Variants in PTPN13 observed in about 807,000 individuals in gnomAD.
The protein encoded by PTPN13 is tyrosine-protein phosphatase non-receptor type 13.
Under a neutral mutation model 284.0 loss-of-function variants are expected in PTPN13, and 191 were observed. The observed-to-expected ratio is 0.67, with a 90% CI of 0.60 to 0.76. The LOEUF (loss-of-function observed/expected upper bound fraction) is 0.76. PTPN13 is among the 30% of genes least tolerant of loss of function. The pLI is 0.00. For missense variants in PTPN13, 2,797 were observed against 2,939.9 expected (o/e 0.95, Z 1.12); for synonymous variants, 986 against 1,022.3 (o/e 0.96, Z 0.68).
At chr4:86,736,513 ACTTACATTAC>A (rs1364370207) in intron 15 of PTPN13, among the ~76,000 whole-genome samples, 1 of 152,198 alleles carries the variant, frequency 6.6e-6, no homozygotes, top group Non-Finnish European at 1.5e-5. Flanking sequence ...TTATTCACAG[ACTTACATTAC>A]CTTTAATCTA....
chr4:86,686,085 G>A (rs978782843), intron 3 of PTPN13, among the ~76,000 whole-genome samples: 3 of 151,992 alleles, frequency 2.0e-5, no homozygotes, highest in Non-Finnish European at 4.4e-5. Context: ...GTGCCTGCCA[G>A]GCGCAGTGGG....
chr4:86,632,466 G>A (rs1218947405), intron 1 of PTPN13, among the ~76,000 whole-genome samples: 3 of 151,764 alleles, frequency 2.0e-5, no homozygotes, highest in African/African-American at 4.8e-5. Flanking sequence ...CTTTTTCTTC[G>A]GTGTGCTTTT....
At chr4:86,647,738 A>G (rs891480762) in intron 2 of PTPN13, among the ~76,000 whole-genome samples, 1 of 152,104 alleles carries the variant, frequency 6.6e-6, no homozygotes, top group Non-Finnish European at 1.5e-5. Context: ...CTAATCCAAT[A>G]TGACTAGTGT....
chr4:86,648,834 T>A (rs1347042995), intron 2 of PTPN13, among the ~76,000 whole-genome samples: 1 of 152,204 alleles, frequency 6.6e-6, no homozygotes, highest in East Asian at 1.9e-4. Context: ...TGTAGTAATT[T>A]ACATTCCCAC....
intron 47 of PTPN13, among the ~76,000 whole-genome samples, chr4:86,813,152 T>C (rs1328011603): frequency 1.3e-5 from 2 of 152,322 alleles, no homozygotes; most frequent in South Asian, 2.1e-4. Flanking sequence ...GATGTTCTTA[T>C]ATTCTTTGTC....
At chr4:86,745,985 G>A (rs1364127994) in intron 17 of PTPN13, among the ~76,000 whole-genome samples, 1 of 152,052 alleles carries the variant, frequency 6.6e-6, no homozygotes, top group African/African-American at 2.4e-5. Flanking sequence ...CAGAGGATGG[G>A]GGAAGTATGC....
At chr4:86,725,230 G>A (rs1734111022) in intron 10 of PTPN13, among the ~76,000 whole-genome samples, 1 of 149,710 alleles carries the variant, frequency 6.7e-6, no homozygotes, top group African/African-American at 2.4e-5. Context: ...ATGGACATTT[G>A]GGTTGGTTTC....
intron 2 of PTPN13, among the ~76,000 whole-genome samples, chr4:86,652,712 T>G (rs1337775487): frequency 6.6e-6 from 1 of 152,132 alleles, no homozygotes; most frequent in Non-Finnish European, 1.5e-5. Flanking sequence ...TCCTTTGAGT[T>G]TGATAATTAT....
chr4:86,678,423 TG>T (rs1280825029), intron 3 of PTPN13, among the ~76,000 whole-genome samples: 2 of 152,230 alleles, frequency 1.3e-5, no homozygotes, highest in African/African-American at 4.8e-5. Context: ...TATATTCTTC[TG>T]GATAGAGGGA....
At chr4:86,620,869 C>T (rs565305727) in intron 1 of PTPN13, among the ~76,000 whole-genome samples, 217 of 152,276 alleles carry the variant, frequency 1.4e-3, no homozygotes, top group African/African-American at 4.9e-3. Context: ...TGTCAAATAA[C>T]GATTATTCCT....
At chr4:86,614,241 C>T (rs556733232) in intron 1 of PTPN13, among the ~76,000 whole-genome samples, 1 of 152,170 alleles carries the variant, frequency 6.6e-6, no homozygotes, top group South Asian at 2.1e-4. Context: ...CCCAAAATTA[C>T]CCCCATTTAT....
intron 1 of PTPN13, among the ~76,000 whole-genome samples, chr4:86,598,998 C>T (rs545405444): frequency 7.3e-4 from 111 of 152,256 alleles, no homozygotes; most frequent in Non-Finnish European, 1.4e-3. Context: ...TGGCCTAAAG[C>T]AGTTGTCCCT....
chr4:86,599,574 A>G (rs779413795), intron 1 of PTPN13, among the ~76,000 whole-genome samples: 1 of 152,232 alleles, frequency 6.6e-6, no homozygotes, highest in African/African-American at 2.4e-5. Context: ...CAGCTCAGAT[A>G]TAGAACATTT....
At chr4:86,738,666 C>T (rs1037266218) in intron 15 of PTPN13, among the ~76,000 whole-genome samples, 1 of 152,046 alleles carries the variant, frequency 6.6e-6, no homozygotes, top group Non-Finnish European at 1.5e-5. Flanking sequence ...TAGTCTGTGG[C>T]TTGCCTTACA....
rs192757246 is a variant in PTPN13 at position 86,772,303 on chromosome 4, C to T, written c.5169-475C>T. Among the ~76,000 whole-genome samples, 11 of 152,262 alleles carry T rather than the reference C, an allele frequency of 7.2e-5. No homozygotes were observed. In the East Asian group the frequency reaches 2.1e-3, roughly 29 times the overall value. On this transcript the variant is annotated intron_variant, in intron 31 of 47. Transcript: ENST00000411767. Reference sequence around the variant, plus strand: ...GCGCGATGGCTCACGTCTGTAATCCCAGCATTTTGGGAGGCCAAGGCAGGT... The same window carrying T: ...GCGCGATGGCTCACGTCTGTAATCCTAGCATTTTGGGAGGCCAAGGCAGGT...
chr4:86,774,521 G>A lies in PTPN13; in HGVS notation c.5498G>A (p.Arg1833Gln), dbSNP rs1009479667. The A allele has an allele frequency of 1.3e-5, 20 of 1,596,790 alleles. No homozygotes were observed. Among genetic ancestry groups the A allele is most frequent in the Middle Eastern group, 1.6e-4 (1 of 6,062 alleles). The change falls in exon 33 of 48, where the codon CGG becomes CAG. Residue 1833 changes from arginine (R) to glutamine (Q), a missense_variant. Physicochemically the swap from Arg to Gln is conservative, Grantham distance 43 (BLOSUM62 1). Transcript: ENST00000411767. Reference protein sequence around the residue: ...KSDGRLKPGDRLIKVNDTDVT... With the variant: ...KSDGRLKPGDQLIKVNDTDVT... ...GATGGAAGGCTAAAACCTGGGGACC[G>A]GCTCATAAAGGTGAGACATTTAAGA... is the stretch of plus-strand genomic sequence containing the variant.
At chr4:86,675,741 A>G (rs941404599) in intron 3 of PTPN13, among the ~76,000 whole-genome samples, 13 of 152,140 alleles carry the variant, frequency 8.5e-5, no homozygotes, top group African/African-American at 2.7e-4. Context: ...AGGCTACACT[A>G]AGCTTTTTAT....
At chr4:86,765,584 TATGAA>T in intron 26 of PTPN13, 96 bp downstream of exon 26, 3 of 822,926 alleles carry the variant, frequency 3.6e-6, no homozygotes, top group Non-Finnish European at 5.7e-6. Flanking sequence ...AAATTCATGA[TATGAA>T]ATAAGAACAT....
rs1340637943 is a variant in PTPN13 at position 86,750,562 on chromosome 4, A to G, written c.2743A>G (p.Ser915Gly). ...AATCAGCACTGGCAGTCTGGCCAGC[A>G]GCACCCTCAACAAACTTGCTGTTCG... is the stretch of plus-strand genomic sequence containing the variant. ...RAISTGSLASSTLNKLAVRPL... is the reference protein window; with the variant it reads ...RAISTGSLASGTLNKLAVRPL... The change falls in exon 18 of 48, where the codon AGC becomes GGC. Residue 915 changes from serine to glycine, a missense_variant. By Grantham distance (56) the Ser-to-Gly change is moderately conservative (BLOSUM62 0). Transcript: ENST00000411767. 1 of 1,613,986 alleles carries G rather than the reference A, an allele frequency of 6.2e-7. No homozygotes were observed. The highest frequency in any genetic ancestry group is 1.7e-5 in the Admixed American group (1 of 60,016).
Sources: allele counts gnomAD v4.1 joint callset (sites outside exome capture counted in the v4.1 genomes callset), GRCh38; gene constraint gnomAD v4.1.1; transcripts MANE v1.5; gene names NCBI Gene and HGNC (gene_info 2026-07-23, HGNC 2026-07-21).